The following FGD6 variants were observed in gnomAD, a reference collection of about 807,000 sequenced individuals.
The protein encoded by FGD6 is FYVE, RhoGEF and PH domain-containing protein 6.
In FGD6, 90 loss-of-function variants were observed where a neutral mutation model predicts 149.4. That is an observed-to-expected ratio of 0.60 (90% CI 0.51 to 0.72). FGD6 has a LOEUF of 0.72. Ranked by LOEUF, FGD6 falls within the 30% of genes least tolerant of loss-of-function variation. The pLI is 0.00. For synonymous variants in FGD6, 527 were observed against 584.0 expected (o/e 0.90, Z 1.41); for missense variants, 1,437 against 1,684.8 (o/e 0.85, Z 2.57).
chr12:95,187,570 T>C (rs1337631395), intron 2 of FGD6, among the ~76,000 whole-genome samples: 2 of 151,384 alleles, frequency 1.3e-5, no homozygotes. Flanking sequence ...GGAGAATCAC[T>C]TGAACCTGGG....
At position 95,078,860 on chromosome 12, in the gene FGD6, T is replaced by C. The variant is rs539870834; in HGVS notation, c.*2660A>G. Reference sequence around the variant, plus strand: ...CTTAGCATCATTTTTAGCTTAGCTTTATAAATGCCCTACTCTTTCCTCCTT... The same window carrying C: ...CTTAGCATCATTTTTAGCTTAGCTTCATAAATGCCCTACTCTTTCCTCCTT... On this transcript the variant is annotated 3_prime_UTR_variant, in exon 21 of 21. Transcript: ENST00000343958. 1.3e-5 allele frequency: 2 copies of C among 152,182 alleles called. No individual in the cohort carries two copies. Among genetic ancestry groups the C allele is most frequent in the Non-Finnish European group, 2.9e-5 (2 of 68,032 alleles). The allele number at this position is 152,182 out of a possible 1,614,324, so 9.4% of individuals were successfully genotyped here.
chr12:95,121,638 G>A (rs911383699), intron 8 of FGD6, among the ~76,000 whole-genome samples: 1 of 151,338 alleles, frequency 6.6e-6, no homozygotes, highest in Non-Finnish European at 1.5e-5. Flanking sequence ...TATTAATGTA[G>A]GAACCTTAAT....
rs1366977607 is a variant in FGD6, at chr12:95,108,282, A to G, written c.3264+66T>C. On this transcript the variant is annotated intron_variant, in intron 11 of 20. Coordinates refer to ENST00000343958, the MANE Select transcript of FGD6 (RefSeq NM_018351.4). ...AAACAACCTATTTTTATAAAATGATAAACAGATACAGATGGTACCTAAATG... is the reference window on the plus strand; with the variant it reads ...AAACAACCTATTTTTATAAAATGATGAACAGATACAGATGGTACCTAAATG... 1.3e-5 allele frequency: 18 copies of G among 1,383,212 alleles called. No individual in the cohort carries two copies. In the East Asian group the frequency reaches 3.5e-4, roughly 27 times the overall value. The allele number at this position is 1,383,212 out of a possible 1,614,324, so 85.7% of individuals were successfully genotyped here. A position where few individuals can be genotyped will look rare whatever the true frequency, so the allele number is the denominator to read the frequency against.
chr12:95,103,741 TG>T (rs1682446726), intron 14 of FGD6, among the ~76,000 whole-genome samples: 1 of 152,216 alleles, frequency 6.6e-6, no homozygotes, highest in Non-Finnish European at 1.5e-5. Flanking sequence ...TTCACCATGT[TG>T]GCCAGGCTGG....
At chr12:95,126,238 A>C in intron 8 of FGD6, 1 of 1,279,268 alleles carries the variant, frequency 7.8e-7, no homozygotes, top group Non-Finnish European at 1.1e-6. Flanking sequence ...CCAGCAAAAA[A>C]GATGACCGCT....
rs76805688 is a variant in FGD6, at chr12:95,192,021, C to T, written c.2441+16822G>A. On this transcript the variant is annotated intron_variant, in intron 2 of 20. Transcript: ENST00000343958. ...AGGATTACAGGCATGAGCCACCACT[C>T]GCGGCTCCTCCTGTATACTTTAAAT... Among the ~76,000 whole-genome samples the T allele has an allele frequency of 9.9e-3, 1,503 of 152,312 alleles. 24 individuals are homozygous for T. The highest frequency in any genetic ancestry group is 0.034 in the African/African-American group (1,423 of 41,556).
intron 8 of FGD6, chr12:95,125,811 G>T: frequency 1.1e-6 from 1 of 880,066 alleles, no homozygotes; most frequent in Non-Finnish European, 1.9e-6. Context: ...CGTCGCCTTT[G>T]GACCTCATGC....
intron 2 of FGD6, 87 bp downstream of exon 2, chr12:95,208,756 T>C: frequency 6.8e-7 from 1 of 1,462,418 alleles, no homozygotes; most frequent in Non-Finnish European, 9.1e-7. Flanking sequence ...ACCACGTGTT[T>C]TTTTTCCCCC....
intron 17 of FGD6, among the ~76,000 whole-genome samples, chr12:95,090,171 G>A (rs1878007007): frequency 3.3e-5 from 5 of 151,996 alleles, no homozygotes; most frequent in African/African-American, 1.2e-4. Flanking sequence ...TGGCCATGAT[G>A]GAGTAAGTAG....
chr12:95,109,916 T>C (rs1389368208), intron 9 of FGD6, among the ~76,000 whole-genome samples: 1 of 151,706 alleles, frequency 6.6e-6, no homozygotes, highest in Non-Finnish European at 1.5e-5. Flanking sequence ...TGAAAAGGGG[T>C]TGAGGTGTTT....
At chr12:95,111,044 G>A (rs180782280) in intron 9 of FGD6, among the ~76,000 whole-genome samples, 10 of 151,990 alleles carry the variant, frequency 6.6e-5, no homozygotes, top group South Asian at 4.2e-4. Flanking sequence ...GTGCAGTCGC[G>A]GGATCTCGGC....
chr12:95,166,430 C>T (rs1400582139), intron 3 of FGD6, among the ~76,000 whole-genome samples: 1 of 152,036 alleles, frequency 6.6e-6, no homozygotes, highest in African/African-American at 2.4e-5. Flanking sequence ...CAATTCAGGC[C>T]AGGTGCAGTG....
chr12:95,130,287 T>C (rs1310333907), intron 8 of FGD6, among the ~76,000 whole-genome samples: 2 of 152,272 alleles, frequency 1.3e-5, no homozygotes, highest in East Asian at 3.9e-4. Context: ...TATCTTATCA[T>C]CTATGCATAT....
Position 95,186,225 on chromosome 12 carries a change from CTTCTTTTTTTTT to C in FGD6, c.2442-13493_2442-13482del, listed in dbSNP as rs1281361240. On this transcript the variant is annotated intron_variant, in intron 2 of 20. Transcript: ENST00000343958. ...AGCTAAGAATGCTTCTTATATTCTTCTTCTTTTTTTTTTTTTTTTTTTTTTTTTTTTTTTTTT... is the reference window on the plus strand; with the variant it reads ...AGCTAAGAATGCTTCTTATATTCTTCTTTTTTTTTTTTTTTTTTTTTTTTT... Among the ~76,000 whole-genome samples, 460 of 71,186 alleles carry C rather than the reference CTTCTTTTTTTTT, an allele frequency of 6.5e-3. 97 individuals carry two copies. The highest frequency in any genetic ancestry group is 0.015 in the South Asian group (31 of 2,072). 46.7% of individuals were successfully genotyped at this position (71,186 alleles called of 152,430 possible). A position where few individuals can be genotyped will look rare whatever the true frequency, so the allele number is the denominator to read the frequency against.
chr12:95,093,759 G>C (rs1166849318), intron 15 of FGD6, among the ~76,000 whole-genome samples: 1 of 151,766 alleles, frequency 6.6e-6, no homozygotes, highest in East Asian at 1.9e-4. Flanking sequence ...TGAGGCAGGA[G>C]AATCACTTAA....
chr12:95,096,525 A>G (rs1878237627), intron 14 of FGD6, among the ~76,000 whole-genome samples: 1 of 152,230 alleles, frequency 6.6e-6, no homozygotes, highest in Admixed American at 6.5e-5. Flanking sequence ...CTACTATTCT[A>G]GCATTACTGC....
chr12:95,081,611 A>C, intron 20 of FGD6, 55 bp from the exon 21 acceptor site: 1 of 1,307,784 alleles, frequency 7.6e-7, no homozygotes. Flanking sequence ...TGACGTGTGA[A>C]CACCATATAG....
At chr12:95,096,985 G>T (rs563412447) in intron 14 of FGD6, among the ~76,000 whole-genome samples, 1 of 152,322 alleles carries the variant, frequency 6.6e-6, no homozygotes, top group East Asian at 1.9e-4. Flanking sequence ...ATTGCTGTTG[G>T]ATTCTTCTGG....
At chr12:95,155,022 A>G (rs1199664624) in intron 3 of FGD6, among the ~76,000 whole-genome samples, 1 of 152,136 alleles carries the variant, frequency 6.6e-6, no homozygotes, top group Non-Finnish European at 1.5e-5. Context: ...CAGTGTCACA[A>G]CCAAGGTAAA....
Sources: allele counts gnomAD v4.1 joint callset (sites outside exome capture counted in the v4.1 genomes callset), GRCh38; gene constraint gnomAD v4.1.1; transcripts MANE v1.5; gene names NCBI Gene and HGNC (gene_info 2026-07-23, HGNC 2026-07-21).